The following SORCS3 variants were observed in gnomAD, a reference collection of about 807,000 sequenced individuals.
The protein encoded by SORCS3 is VPS10 domain-containing receptor SorCS3.
Under a neutral mutation model 146.3 loss-of-function variants are expected in SORCS3, and 57 were observed. The ratio of observed to expected loss-of-function variants is 0.39; its 90% CI spans 0.31 to 0.49. The LOEUF (loss-of-function observed/expected upper bound fraction) is 0.49, where lower values mean the gene tolerates loss of function less well. SORCS3 is among the 20% of genes least tolerant of loss of function. The pLI, the probability that SORCS3 is intolerant of heterozygous loss-of-function variation, is 0.92. For synonymous variants in SORCS3, 653 were observed against 618.5 expected (o/e 1.06, Z -0.83); for missense variants, 1,341 against 1,575.5 (o/e 0.85, Z 2.52).
intron 1 of SORCS3, among the ~76,000 whole-genome samples, chr10:104,671,124 G>A (rs1037413365): frequency 2.0e-5 from 3 of 149,450 alleles, no homozygotes; most frequent in East Asian, 2.0e-4. Context: ...TTTCCAATTC[G>A]TATGCCTTTT....
chr10:105,117,057 A>G lies in SORCS3; in HGVS notation c.1212+11542A>G, dbSNP rs138805047. Among the ~76,000 whole-genome samples the G allele has an allele frequency of 2.4e-3, 368 of 152,250 alleles. 1 individual carries two copies. Among genetic ancestry groups the G allele is most frequent in the Middle Eastern group, 0.01 (3 of 294 alleles). On this transcript the variant is annotated intron_variant, in intron 7 of 26. Coordinates refer to ENST00000369701, the MANE Select transcript of SORCS3 (RefSeq NM_014978.3). ...AAAATAAAAGTTAAAAAAAAAAACAAAACTAATGGATCAGTACTCTTCTCT... is the reference window on the plus strand; with the variant it reads ...AAAATAAAAGTTAAAAAAAAAAACAGAACTAATGGATCAGTACTCTTCTCT...
At chr10:104,875,376 A>G (rs573324986) in intron 2 of SORCS3, among the ~76,000 whole-genome samples, 2 of 152,220 alleles carry the variant, frequency 1.3e-5, no homozygotes, top group Non-Finnish European at 2.9e-5. Flanking sequence ...TGTGCCATTA[A>G]ATAGCTATGT....
chr10:104,799,668 A>G lies in SORCS3; in HGVS notation c.628-43124A>G, dbSNP rs140881409. On this transcript the variant is annotated intron_variant, in intron 1 of 26. Transcript: ENST00000369701. ...TGTAACAAAACTGCACGTTCTGCAC[A>G]TGTAACCCAGAACTTTTTTTTTTTT... Among the ~76,000 whole-genome samples, 347 of 150,702 alleles carry G rather than the reference A, an allele frequency of 2.3e-3. 1 individual carries two copies. The highest frequency in any genetic ancestry group is 7.8e-3 in the African/African-American group (323 of 41,266).
chr10:104,710,721 G>T (rs1168529949), intron 1 of SORCS3, among the ~76,000 whole-genome samples: 1 of 149,362 alleles, frequency 6.7e-6, no homozygotes, highest in Middle Eastern at 3.2e-3. Context: ...ATATTCTGTA[G>T]TTGTCCATTC....
At chr10:105,216,130 A>T (rs1276317351) in intron 18 of SORCS3, among the ~76,000 whole-genome samples, 1 of 152,132 alleles carries the variant, frequency 6.6e-6, no homozygotes, top group Non-Finnish European at 1.5e-5. Flanking sequence ...AGAGACAGAG[A>T]TATCTGTGAA....
intron 4 of SORCS3, among the ~76,000 whole-genome samples, chr10:104,980,305 G>A (rs192199781): frequency 4.6e-5 from 7 of 152,288 alleles, no homozygotes; most frequent in South Asian, 2.1e-4. Context: ...GTGCTTGGCC[G>A]TTCTTCTTTT....
Position 105,263,560 on chromosome 10 carries a change from A to C in SORCS3, c.*186A>C, listed in dbSNP as rs1203102033. On this transcript the variant is annotated 3_prime_UTR_variant, in exon 27 of 27. Coordinates refer to ENST00000369701, the MANE Select transcript of SORCS3 (RefSeq NM_014978.3). ...TTCTTAGCTGATTGAAATGAGACAAAGGGAATAAATGGCTGTATTTGTGCT... is the reference window on the plus strand; with the variant it reads ...TTCTTAGCTGATTGAAATGAGACAACGGGAATAAATGGCTGTATTTGTGCT... 1 of 591,114 alleles carries C rather than the reference A, an allele frequency of 1.7e-6. No individual in the cohort carries two copies. The highest frequency in any genetic ancestry group is 1.9e-5 in the African/African-American group (1 of 53,612). The allele number at this position is 591,114 out of a possible 1,614,324, so 36.6% of individuals were successfully genotyped here.
At chr10:104,974,881 G>C (rs2054885303) in intron 3 of SORCS3, among the ~76,000 whole-genome samples, 2 of 152,086 alleles carry the variant, frequency 1.3e-5, no homozygotes, top group Admixed American at 1.3e-4. Flanking sequence ...GCTCTTTTAG[G>C]GCAGTCCTGG....
chr10:105,111,399 A>T (rs1296983028), intron 7 of SORCS3, among the ~76,000 whole-genome samples: 1 of 152,174 alleles, frequency 6.6e-6, no homozygotes, highest in African/African-American at 2.4e-5. Flanking sequence ...TGCTCTTAGC[A>T]TAATTACTGG....
At chr10:105,257,766 G>A (rs1000232745) in intron 25 of SORCS3, among the ~76,000 whole-genome samples, 1 of 152,146 alleles carries the variant, frequency 6.6e-6, no homozygotes, top group East Asian at 1.9e-4. Context: ...CATAGTGTGT[G>A]TAGGTGCTAC....
intron 1 of SORCS3, among the ~76,000 whole-genome samples, chr10:104,725,623 C>G (rs2016618511): frequency 1.3e-5 from 2 of 152,244 alleles, no homozygotes; most frequent in Non-Finnish European, 1.5e-5. Context: ...GTGGGCTCCA[C>G]CCAGTTCGAG....
At chr10:104,841,990 G>A (rs1297132264) in intron 1 of SORCS3, among the ~76,000 whole-genome samples, 1 of 152,198 alleles carries the variant, frequency 6.6e-6, no homozygotes, top group Non-Finnish European at 1.5e-5. Flanking sequence ...ATGCATGAGA[G>A]GCAGGTAGGG....
In SORCS3 at chr10:104,794,315, C is replaced by T. The variant is rs144352786; in HGVS notation, c.628-48477C>T. On this transcript the variant is annotated intron_variant, in intron 1 of 26. Coordinates refer to ENST00000369701, the MANE Select transcript of SORCS3 (RefSeq NM_014978.3). ...CTGGAATGAAGAATGAGATACTCCC[C>T]AGTGAGCCTGTTTTCCTTCAAGAGT... 5.7e-3 allele frequency among the ~76,000 whole-genome samples: 874 copies of T among 152,262 alleles called. 6 individuals carry two copies. Among genetic ancestry groups the T allele is most frequent in the African/African-American group, 0.019 (798 of 41,550 alleles).
intron 2 of SORCS3, among the ~76,000 whole-genome samples, chr10:104,895,792 G>C (rs1197977960): frequency 6.6e-6 from 1 of 152,154 alleles, no homozygotes; most frequent in African/African-American, 2.4e-5. Context: ...CTGCCTGCTA[G>C]CTTTGCCAAA....
chr10:105,039,667 G>T (rs1010665834), intron 4 of SORCS3, among the ~76,000 whole-genome samples: 1 of 151,978 alleles, frequency 6.6e-6, no homozygotes, highest in Admixed American at 6.6e-5. Flanking sequence ...ACGTTGGCCA[G>T]GATGGTCTTG....
chr10:105,066,180 GACC>G (rs1389969588), intron 5 of SORCS3, among the ~76,000 whole-genome samples: 2 of 152,166 alleles, frequency 1.3e-5, no homozygotes, highest in East Asian at 3.9e-4. Context: ...GACATTTTGT[GACC>G]ACGTTGCACA....
intron 2 of SORCS3, among the ~76,000 whole-genome samples, chr10:104,853,200 G>A (rs766902925): frequency 6.6e-6 from 1 of 152,200 alleles, no homozygotes; most frequent in Non-Finnish European, 1.5e-5. Context: ...TCAGGAAGCT[G>A]ACGCAGGAGA....
intron 1 of SORCS3, among the ~76,000 whole-genome samples, chr10:104,752,097 C>T (rs184855615): frequency 3.3e-5 from 5 of 150,368 alleles, no homozygotes; most frequent in Admixed American, 1.3e-4. Context: ...TGCAGTGGTG[C>T]GATCTCAGCT....
In SORCS3 at chr10:104,641,366, G is replaced by A; in HGVS notation, c.39G>A (p.Pro13=). 3.5e-6 allele frequency: 5 copies of A among 1,410,532 alleles called. No individual in the cohort carries two copies. Among genetic ancestry groups the A allele is most frequent in the South Asian group, 1.5e-5 (1 of 67,210 alleles). The allele number at this position is 1,410,532 out of a possible 1,614,324, so 87.4% of individuals were successfully genotyped here. A position where few individuals can be genotyped will look rare whatever the true frequency, so the allele number is the denominator to read the frequency against. The change falls in exon 1 of 27, where the codon CCG becomes CCA. Residue 13 remains proline, a synonymous_variant. Transcript: ENST00000369701. This position sits in a 1 kb window ranked among gnomAD's most constrained non-coding sequence, Gnocchi z 6.4. The part of the protein sequence containing the change: ...AARTERPAGR[P]GAPLVRTGLL... ...GCACGGAGCGCCCCGCAGGCAGGCC[G>A]GGGGCGCCGCTTGTCCGGACGGGGC...
Sources: allele counts gnomAD v4.1 joint callset (sites outside exome capture counted in the v4.1 genomes callset), GRCh38; gene constraint gnomAD v4.1.1; non-coding constraint Gnocchi (gnomAD v3.1); transcripts MANE v1.5; gene names NCBI Gene and HGNC (gene_info 2026-07-23, HGNC 2026-07-21).